The following TPH1 variants were observed in gnomAD, a reference collection of about 807,000 sequenced individuals.
TPH1 encodes tryptophan 5-hydroxylase 1.
In TPH1, 37 loss-of-function variants were observed where a neutral mutation model predicts 49.5. The observed-to-expected ratio is 0.75, with a 90% CI of 0.58 to 0.98. The LOEUF (loss-of-function observed/expected upper bound fraction) is 0.98, where lower values mean the gene tolerates loss of function less well. Ranked by LOEUF, TPH1 falls within the 50% of genes least tolerant of loss-of-function variation. TPH1 has a pLI of 0.00. For missense variants in TPH1, 487 were observed against 523.6 expected (o/e 0.93, Z 0.68); for synonymous variants, 160 against 182.1 (o/e 0.88, Z 0.98).
chr11:18,022,349 TA>T (rs571183703), intron 10 of TPH1, among the ~76,000 whole-genome samples: 3 of 152,332 alleles, frequency 2.0e-5, no homozygotes, highest in African/African-American at 4.8e-5. Context: ...ACTCTCAGTC[TA>T]AAACTTAATA....
intron 2 of TPH1, among the ~76,000 whole-genome samples, chr11:18,040,374 T>A (rs938387364): frequency 4.1e-5 from 6 of 147,780 alleles, no homozygotes; most frequent in African/African-American, 1.5e-4. Flanking sequence ...AATATAGATA[T>A]ATATATAGAG....
At position 18,040,732 on chromosome 11, in the gene TPH1, G is replaced by C. The variant is rs910048179; in HGVS notation, c.31C>G (p.His11Asp). Residue 11 changes from histidine to aspartate, a missense_variant, in exon 2 of 11, where the codon CAT becomes GAT. Physicochemically the swap from His to Asp is moderately conservative, Grantham distance 81. Coordinates refer to ENST00000682019, the MANE Select transcript of TPH1 (RefSeq NM_004179.3). MIEDNKENKD[H>D]SLERGRASLI... ...CTTGCTCTTCCCCTTTCTAAGGAAT[G>C]GTCTTTGTTCTCCTTATTGTCTTCA... The C allele has an allele frequency of 6.2e-7, 1 of 1,611,748 alleles. No individual in the cohort carries two copies. Among genetic ancestry groups the C allele is most frequent in the African/African-American group, 1.3e-5 (1 of 74,794 alleles).
At chr11:18,044,705 T>C (rs957730990) in intron 1 of TPH1, among the ~76,000 whole-genome samples, 5 of 152,066 alleles carry the variant, frequency 3.3e-5, no homozygotes, top group South Asian at 4.1e-4. Flanking sequence ...CTTGTTACTT[T>C]TTCCTTTCCC....
chr11:18,023,510 A>G (rs1170815727), intron 9 of TPH1, among the ~76,000 whole-genome samples: 1 of 152,124 alleles, frequency 6.6e-6, no homozygotes, highest in Non-Finnish European at 1.5e-5. Flanking sequence ...CATATATATC[A>G]GAAATATATC....
At chr11:18,025,745 AC>A (rs1423776550) in intron 7 of TPH1, 44 bp from the exon 8 acceptor site, 5 of 1,611,598 alleles carry the variant, frequency 3.1e-6, no homozygotes, top group Non-Finnish European at 4.2e-6. Flanking sequence ...TGCTTAACAT[AC>A]GTTTATAATC....
chr11:18,025,544 G>A (rs1270975067), intron 8 of TPH1, 31 bp downstream of exon 8: 2 of 1,613,002 alleles, frequency 1.2e-6, no homozygotes, highest in Non-Finnish European at 1.7e-6. Context: ...CCCTACCCCA[G>A]GTGAAAATAT....
chr11:18,045,193 AAGG>A (rs1244978376), intron 1 of TPH1, among the ~76,000 whole-genome samples: 15 of 152,254 alleles, frequency 9.9e-5, no homozygotes, highest in Admixed American at 9.8e-4. Flanking sequence ...TAAAAACTGC[AAGG>A]AGGATTCTTT....
Position 18,046,257 on chromosome 11 carries a change from T to C in TPH1, c.-43A>G, listed in dbSNP as rs914686891. Among the ~76,000 whole-genome samples the C allele has an allele frequency of 6.6e-6, 1 of 152,038 alleles. No homozygotes were observed. The highest frequency in any genetic ancestry group is 1.5e-5 in the Non-Finnish European group (1 of 67,980). ...CTCACTCACCTCGGGCGCCAGTAGG[T>C]GCAGGCTGGGTCGGCCGGCGGCCCC... is the stretch of plus-strand genomic sequence containing the variant. On this transcript the variant is annotated 5_prime_UTR_variant, in exon 1 of 11. Coordinates refer to ENST00000682019, the MANE Select transcript of TPH1 (RefSeq NM_004179.3).
Position 18,040,681 on chromosome 11 carries a change from C to T in TPH1, c.82G>A (p.Val28Ile). ...TTCAGGGCTTTTATAAGTCCTCCAACTTCATTCTTTAAGGAAAAAATGAGA... is the reference window on the plus strand; with the variant it reads ...TTCAGGGCTTTTATAAGTCCTCCAATTTCATTCTTTAAGGAAAAAATGAGA... ...ASLIFSLKNE[V>I]GGLIKALKIF... The change falls in exon 2 of 11, where the codon GTT (valine) becomes ATT (isoleucine). Residue 28 changes from valine (V) to isoleucine (I), a missense_variant. Coordinates refer to ENST00000682019, the MANE Select transcript of TPH1 (RefSeq NM_004179.3). The T allele has an allele frequency of 6.2e-7, 1 of 1,612,496 alleles. No homozygotes were observed. The highest frequency in any genetic ancestry group is 2.2e-5 in the East Asian group (1 of 44,806).
At position 18,017,935 on chromosome 11, in the gene TPH1, A is replaced by T. The variant is rs1178684456; in HGVS notation, c.*3056T>A. On this transcript the variant is annotated 3_prime_UTR_variant, in exon 11 of 11. Coordinates refer to ENST00000682019, the MANE Select transcript of TPH1 (RefSeq NM_004179.3). ...TTGAATAATGATTTACTGATTAAGA[A>T]TTATTAACCGGCTGGGCATGGTGGC... 6.6e-6 allele frequency: 1 copy of T among 152,218 alleles called. No individual in the cohort carries two copies. The highest frequency in any genetic ancestry group is 1.9e-4 in the East Asian group (1 of 5,196). The allele number at this position is 152,218 out of a possible 1,614,324, so 9.4% of individuals were successfully genotyped here. A position where few individuals can be genotyped will look rare whatever the true frequency, so the allele number is the denominator to read the frequency against.
rs1854350902 is a variant in TPH1, at chr11:18,020,804, A to G, written c.*187T>C. ...AAAAAAAGAAATAAAACTAAACAAAAAAATAAGTGGTAAATAGAATATCCA... is the reference window on the plus strand; with the variant it reads ...AAAAAAAGAAATAAAACTAAACAAAGAAATAAGTGGTAAATAGAATATCCA... On this transcript the variant is annotated 3_prime_UTR_variant, in exon 11 of 11. Coordinates refer to ENST00000682019, the MANE Select transcript of TPH1 (RefSeq NM_004179.3). 1.7e-6 allele frequency: 1 copy of G among 599,984 alleles called. No homozygotes were observed. The allele number at this position is 599,984 out of a possible 1,614,324, so 37.2% of individuals were successfully genotyped here.
At chr11:18,044,782 A>AAAC (rs574770389) in intron 1 of TPH1, among the ~76,000 whole-genome samples, 1 of 152,012 alleles carries the variant, frequency 6.6e-6, no homozygotes, top group Non-Finnish European at 1.5e-5. Flanking sequence ...AAACAAAAAA[A>AAAC]CACAATACTA....
At chr11:18,041,107 G>A (rs915572810) in intron 1 of TPH1, 3 of 219,562 alleles carry the variant, frequency 1.4e-5, no homozygotes, top group East Asian at 1.3e-4. Flanking sequence ...TAGTCAGGAA[G>A]GCCTACCTCC....
intron 3 of TPH1, 54 bp downstream of exon 3, chr11:18,035,905 G>T (rs991833655): frequency 2.2e-6 from 3 of 1,392,390 alleles, no homozygotes; most frequent in Non-Finnish European, 3.0e-6. Context: ...TATAAGGCTG[G>T]ACACACATTA....
intron 1 of TPH1, among the ~76,000 whole-genome samples, chr11:18,041,675 T>C (rs1848099706): frequency 6.6e-6 from 1 of 152,242 alleles, no homozygotes; most frequent in East Asian, 1.9e-4. Context: ...CTAACATTTA[T>C]GAATTCATTG....
chr11:18,039,532 C>G (rs531808987), intron 2 of TPH1, among the ~76,000 whole-genome samples: 27 of 152,284 alleles, frequency 1.8e-4, no homozygotes, highest in African/African-American at 5.5e-4. Context: ...ATTTTTAGTT[C>G]CTATAAACAA....
At chr11:18,037,940 T>C (rs1848061294) in intron 2 of TPH1, among the ~76,000 whole-genome samples, 1 of 152,216 alleles carries the variant, frequency 6.6e-6, no homozygotes, top group South Asian at 2.1e-4. Flanking sequence ...GCTGTAATCC[T>C]GTTGCCCAAG....
chr11:18,028,956 T>C (rs1203772101), intron 6 of TPH1, among the ~76,000 whole-genome samples: 1 of 151,806 alleles, frequency 6.6e-6, no homozygotes, highest in Non-Finnish European at 1.5e-5. Context: ...TCCCAGCACT[T>C]TGGGAGGCCA....
At chr11:18,031,939 G>C (rs1316093539) in intron 4 of TPH1, among the ~76,000 whole-genome samples, 1 of 152,014 alleles carries the variant, frequency 6.6e-6, no homozygotes, top group African/African-American at 2.4e-5. Flanking sequence ...ATTTTATCTT[G>C]TGTGTGTTTA....
Sources: gnomAD v4.1 joint callset for allele counts (sites outside exome capture counted in the v4.1 genomes callset) on GRCh38, gnomAD v4.1.1 for gene constraint, MANE v1.5 for transcripts, NCBI Gene and HGNC (gene_info 2026-07-23, HGNC 2026-07-21) for gene names.